MARCHF1: variants seen among roughly 807,000 people sequenced by gnomAD.
MARCHF1 encodes membrane associated ring-CH-type finger 1.
In MARCHF1, 40 loss-of-function variants were observed where a neutral mutation model predicts 54.2. The ratio of observed to expected loss-of-function variants is 0.74; its 90% confidence interval spans 0.57 to 0.96. The LOEUF (loss-of-function observed/expected upper bound fraction) is 0.96. Ranked by LOEUF, MARCHF1 falls within the 40% of genes least tolerant of loss-of-function variation. MARCHF1 has a pLI of 0.00. For missense variants in MARCHF1, 586 were observed against 656.5 expected (o/e 0.89, Z 1.17); for synonymous variants, 236 against 236.3 (o/e 1.00, Z 0.01).
At chr4:164,044,413 C>T (rs1350797121) in intron 2 of MARCHF1, among the ~76,000 whole-genome samples, 3 of 151,990 alleles carry the variant, frequency 2.0e-5, no homozygotes, top group Non-Finnish European at 4.4e-5. Context: ...GGGGGAAGTG[C>T]CACAAACTTT....
chr4:163,725,545 A>C (rs1012816868), intron 4 of MARCHF1, among the ~76,000 whole-genome samples: 1 of 152,176 alleles, frequency 6.6e-6, no homozygotes, highest in African/African-American at 2.4e-5. Flanking sequence ...AAGTATGGTA[A>C]TATAGAAAGT....
At chr4:164,268,998 T>C (rs1436899095) in intron 1 of MARCHF1, among the ~76,000 whole-genome samples, 1 of 152,160 alleles carries the variant, frequency 6.6e-6, no homozygotes, top group Non-Finnish European at 1.5e-5. Flanking sequence ...CTCACTACAA[T>C]TTCCTAACAA....
At chr4:163,887,481 A>G (rs1750564851) in intron 3 of MARCHF1, among the ~76,000 whole-genome samples, 1 of 152,168 alleles carries the variant, frequency 6.6e-6, no homozygotes. Flanking sequence ...CAGCACCAGC[A>G]TAATTATCAC....
intron 4 of MARCHF1, among the ~76,000 whole-genome samples, chr4:163,816,378 G>C (rs1401067394): frequency 3.3e-5 from 1 of 30,580 alleles, no homozygotes; most frequent in African/African-American, 5.1e-5. Context: ...AGTACCTTCT[G>C]GTGTTTTTTT....
At chr4:163,564,218 A>G (rs1327364685) in intron 8 of MARCHF1, among the ~76,000 whole-genome samples, 1 of 152,214 alleles carries the variant, frequency 6.6e-6, no homozygotes, top group East Asian at 1.9e-4. Flanking sequence ...GGAGGGTACA[A>G]CAAGAAAGGG....
At chr4:163,596,537 CAAAAA>C (rs142539749) in intron 7 of MARCHF1, among the ~76,000 whole-genome samples, 33,509 of 72,264 alleles carry the variant, frequency 0.46, 4,091 homozygotes, top group Admixed American at 0.51. Context: ...GAGGCTGTCT[CAAAAA>C]AAAAAAAAAA....
chr4:163,764,903 C>T (rs1264194291), intron 4 of MARCHF1, among the ~76,000 whole-genome samples: 1 of 152,006 alleles, frequency 6.6e-6, no homozygotes, highest in Non-Finnish European at 1.5e-5. Context: ...TTAAACACAG[C>T]CATTACTCAG....
In MARCHF1 at chr4:163,938,771, T is replaced by A. The variant is rs145256759; in HGVS notation, c.-39+49730A>T. On this transcript the variant is annotated intron_variant, in intron 3 of 9. Transcript: ENST00000514618. ...CATGGTGGAATGGGAAGCAAAAACA[T>A]CCTTCTTTATATTGTGGCAGCAAGG... is the stretch of plus-strand genomic sequence containing the variant. Among the ~76,000 whole-genome samples the A allele has an allele frequency of 4.1e-4, 63 of 152,156 alleles. No homozygotes were observed. The East Asian group carries it at 0.011, about 28-fold the overall frequency.
intron 3 of MARCHF1, among the ~76,000 whole-genome samples, chr4:163,947,968 G>T (rs1256491780): frequency 6.6e-6 from 1 of 152,140 alleles, no homozygotes; most frequent in East Asian, 1.9e-4. Flanking sequence ...GATTCTAAAG[G>T]TATGCAATAA....
chr4:163,707,360 A>G (rs1223888999), intron 4 of MARCHF1, among the ~76,000 whole-genome samples: 1 of 152,112 alleles, frequency 6.6e-6, no homozygotes, highest in African/African-American at 2.4e-5. Context: ...TATTCACAAG[A>G]GAGGCAACAG....
intron 1 of MARCHF1, among the ~76,000 whole-genome samples, chr4:164,382,539 G>T (rs996854133): frequency 1.3e-5 from 2 of 151,994 alleles, no homozygotes; most frequent in Non-Finnish European, 2.9e-5. Context: ...AAATATTTTC[G>T]ATTGTAGTGG....
At chr4:163,923,147 T>C (rs2111369165) in intron 3 of MARCHF1, among the ~76,000 whole-genome samples, 1 of 149,752 alleles carries the variant, frequency 6.7e-6, no homozygotes. Flanking sequence ...TAAAAAATAC[T>C]TTATGTAATT....
intron 5 of MARCHF1, among the ~76,000 whole-genome samples, chr4:163,660,108 G>T (rs766500902): frequency 5.3e-5 from 8 of 152,024 alleles, no homozygotes; most frequent in Non-Finnish European, 1.2e-4. Flanking sequence ...GTACATGTAC[G>T]TTTACTGCAA....
At chr4:163,823,079 T>G (rs1201067957) in intron 4 of MARCHF1, among the ~76,000 whole-genome samples, 1 of 151,844 alleles carries the variant, frequency 6.6e-6, no homozygotes, top group African/African-American at 2.4e-5. Context: ...CTTACAAAAC[T>G]AATACAATTT....
intron 1 of MARCHF1, among the ~76,000 whole-genome samples, chr4:164,295,056 T>C (rs1560991026): frequency 6.6e-6 from 1 of 151,748 alleles, no homozygotes. Context: ...TTACATAACA[T>C]GGGAGCCCTC....
intron 3 of MARCHF1, among the ~76,000 whole-genome samples, chr4:163,888,058 T>G (rs1018741015): frequency 6.6e-6 from 1 of 152,290 alleles, no homozygotes; most frequent in Admixed American, 6.5e-5. Flanking sequence ...ACTTAAAAAT[T>G]GTGAAAATAG....
chr4:163,808,821 G>A (rs751158301), intron 4 of MARCHF1, among the ~76,000 whole-genome samples: 3 of 152,100 alleles, frequency 2.0e-5, no homozygotes, highest in Non-Finnish European at 2.9e-5. Context: ...CACTCACCTC[G>A]GCCTCCCAAA....
rs191295708 is a variant in MARCHF1 at position 163,705,429 on chromosome 4, T to G, written c.112-4566A>C. ...AAATGTTAAAAATTAGTGTATATTT[T>G]GATAATAGCATATGTCTTTGATACA... is the stretch of plus-strand genomic sequence containing the variant. On this transcript the variant is annotated intron_variant, in intron 4 of 9. Transcript: ENST00000514618. Among the ~76,000 whole-genome samples the G allele has an allele frequency of 5.6e-3, 859 of 152,044 alleles. 7 individuals carry two copies. Among genetic ancestry groups the G allele is most frequent in the Middle Eastern group, 0.02 (6 of 294 alleles).
intron 3 of MARCHF1, among the ~76,000 whole-genome samples, chr4:163,908,173 C>CTGCTG (rs1432868925): frequency 6.6e-6 from 1 of 152,148 alleles, no homozygotes; most frequent in Non-Finnish European, 1.5e-5. Context: ...TCTATCCACA[C>CTGCTG]AAAAGATTTT....
Sources: allele counts gnomAD v4.1 joint callset (sites outside exome capture counted in the v4.1 genomes callset), GRCh38; gene constraint gnomAD v4.1.1; transcripts MANE v1.5; gene names NCBI Gene and HGNC (gene_info 2026-07-23, HGNC 2026-07-21).